Variants in RNGTT observed in about 807,000 individuals in gnomAD.
The protein encoded by RNGTT is mRNA-capping enzyme.
Under a neutral mutation model 79.3 loss-of-function variants are expected in RNGTT, and 33 were observed. That is an observed-to-expected ratio of 0.42 (90% CI 0.32 to 0.56). The LOEUF is 0.56. Ranked by LOEUF, RNGTT falls within the 20% of genes least tolerant of loss-of-function variation. The pLI, the probability that RNGTT is intolerant of heterozygous loss-of-function variation, is 0.17. For missense variants in RNGTT, 497 were observed against 739.1 expected, an observed-to-expected ratio of 0.67 and a Z score of 3.80; for synonymous variants, 222 against 235.9, an observed-to-expected ratio of 0.94 and a Z score of 0.54.
intron 13 of RNGTT, among the ~76,000 whole-genome samples, chr6:88,768,572 C>T (rs1778545041): frequency 6.6e-6 from 1 of 152,100 alleles, no homozygotes; most frequent in Admixed American, 6.5e-5. Flanking sequence ...TCCATATATC[C>T]CCTGTTCCAT....
intron 13 of RNGTT, among the ~76,000 whole-genome samples, chr6:88,750,966 A>G (rs1429792924): frequency 6.6e-6 from 1 of 152,162 alleles, no homozygotes; most frequent in Non-Finnish European, 1.5e-5. Flanking sequence ...CATCCTAGTC[A>G]GGTTTTCACT....
chr6:88,765,718 G>A (rs1223317493), intron 13 of RNGTT, among the ~76,000 whole-genome samples: 1 of 152,080 alleles, frequency 6.6e-6, no homozygotes, highest in Non-Finnish European at 1.5e-5. Context: ...GGGCAAACTT[G>A]GCCAATAACC....
chr6:88,891,635 G>C (rs538313298), intron 7 of RNGTT, among the ~76,000 whole-genome samples, 171 bp downstream of exon 7: 5 of 152,038 alleles, frequency 3.3e-5, no homozygotes, highest in Non-Finnish European at 7.4e-5. Flanking sequence ...ATCTAATTTT[G>C]ACTCAACTGT....
intron 14 of RNGTT, among the ~76,000 whole-genome samples, chr6:88,617,316 T>G (rs548047129): frequency 6.6e-6 from 1 of 152,340 alleles, no homozygotes; most frequent in Admixed American, 6.5e-5. Context: ...TTTAATAGTT[T>G]AAGGTCTTAT....
intron 13 of RNGTT, among the ~76,000 whole-genome samples, chr6:88,736,323 T>A (rs1172083844): frequency 6.6e-6 from 1 of 152,194 alleles, no homozygotes; most frequent in Non-Finnish European, 1.5e-5. Context: ...ACTCATTCTA[T>A]GAGAACATTA....
intron 14 of RNGTT, among the ~76,000 whole-genome samples, chr6:88,649,445 T>C (rs1773708868): frequency 6.6e-6 from 1 of 152,194 alleles, no homozygotes; most frequent in African/African-American, 2.4e-5. Flanking sequence ...ACGCCTGTAA[T>C]CCCAGCACTT....
chr6:88,909,102 C>T (rs1783751234), intron 4 of RNGTT, among the ~76,000 whole-genome samples: 1 of 152,230 alleles, frequency 6.6e-6, no homozygotes, highest in Non-Finnish European at 1.5e-5. Flanking sequence ...TAAGCAACCT[C>T]TCTTCAGAAG....
In RNGTT at chr6:88,939,076, G is replaced by A. The variant is rs185805013; in HGVS notation, c.174+1995C>T. 5.1e-4 allele frequency among the ~76,000 whole-genome samples: 77 copies of A among 152,152 alleles called. 1 individual carries two copies. The highest frequency in any genetic ancestry group is 1.7e-3 in the African/African-American group (71 of 41,518). Reference sequence around the variant, plus strand: ...TGACTTTTAACAGTTTGACTATAACGCGTTGTGGAGAAGACCTTTTTAGAT... The same window carrying A: ...TGACTTTTAACAGTTTGACTATAACACGTTGTGGAGAAGACCTTTTTAGAT... On this transcript the variant is annotated intron_variant, in intron 2 of 15. Transcript: ENST00000369485.
chr6:88,800,968 T>C (rs981055801), intron 12 of RNGTT, among the ~76,000 whole-genome samples: 1 of 152,188 alleles, frequency 6.6e-6, no homozygotes, highest in Non-Finnish European at 1.5e-5. Flanking sequence ...CAAAGAATTA[T>C]CTGGCCCAAC....
chr6:88,698,193 T>TC (rs1775785185), intron 13 of RNGTT, among the ~76,000 whole-genome samples: 1 of 112,102 alleles, frequency 8.9e-6, no homozygotes, highest in Non-Finnish European at 1.7e-5. Context: ...ATATATGAAA[T>TC]ATATATGATA....
chr6:88,788,802 G>A (rs1779311349), intron 12 of RNGTT, among the ~76,000 whole-genome samples: 1 of 152,108 alleles, frequency 6.6e-6, no homozygotes, highest in African/African-American at 2.4e-5. Flanking sequence ...TTTGAATCCA[G>A]GCTTTCATGA....
chr6:88,699,905 G>C (rs567871080), intron 13 of RNGTT, among the ~76,000 whole-genome samples: 1 of 152,116 alleles, frequency 6.6e-6, no homozygotes, highest in Admixed American at 6.6e-5. Context: ...GGTTACCAGG[G>C]GTGAAGAAGA....
At chr6:88,753,079 T>C (rs1177834736) in intron 13 of RNGTT, among the ~76,000 whole-genome samples, 3 of 152,146 alleles carry the variant, frequency 2.0e-5, no homozygotes, top group African/African-American at 7.2e-5. Flanking sequence ...TGAAAGCTGC[T>C]GTAATGTTAT....
chr6:88,682,517 C>G (rs913770922), intron 13 of RNGTT, among the ~76,000 whole-genome samples: 1 of 152,206 alleles, frequency 6.6e-6, no homozygotes, highest in Non-Finnish European at 1.5e-5. Flanking sequence ...CTACATTACT[C>G]TTTGAATCTT....
intron 13 of RNGTT, among the ~76,000 whole-genome samples, chr6:88,679,113 T>C (rs1441683861): frequency 6.6e-6 from 1 of 152,090 alleles, no homozygotes; most frequent in Admixed American, 6.6e-5. Flanking sequence ...ACCACCACTA[T>C]GCACTGTACA....
intron 8 of RNGTT, among the ~76,000 whole-genome samples, chr6:88,858,995 CTT>C (rs200183870): frequency 6.8e-6 from 1 of 147,074 alleles, no homozygotes. Flanking sequence ...ATTATGAAAA[CTT>C]TTTTTTTTTT....
intron 12 of RNGTT, among the ~76,000 whole-genome samples, chr6:88,796,857 T>C (rs939677553): frequency 6.6e-6 from 1 of 152,156 alleles, no homozygotes; most frequent in African/African-American, 2.4e-5. Flanking sequence ...AGTTATAACT[T>C]ACGAGATAAA....
At chr6:88,771,315 G>GTGTGTGTATATATATATATATA (rs1303688973) in intron 12 of RNGTT, among the ~76,000 whole-genome samples, 6 of 62,068 alleles carry the variant, frequency 9.7e-5, no homozygotes, top group East Asian at 4.9e-4. Context: ...GTGTGTGTGT[G>GTGTGTGTATATATATATATATA]TATATATATA....
chr6:88,793,502 C>T (rs1413834888), intron 12 of RNGTT, among the ~76,000 whole-genome samples: 1 of 152,156 alleles, frequency 6.6e-6, no homozygotes, highest in Non-Finnish European at 1.5e-5. Context: ...CTTTCAGAGA[C>T]ATTCCATATA....
Sources: gnomAD v4.1 joint callset for allele counts (sites outside exome capture counted in the v4.1 genomes callset) on GRCh38, gnomAD v4.1.1 for gene constraint, MANE v1.5 for transcripts, NCBI Gene and HGNC (gene_info 2026-07-23, HGNC 2026-07-21) for gene names.